MGST1: variants seen among roughly 807,000 people sequenced by gnomAD.
MGST1 encodes glutathione S-transferase 12.
In MGST1, 5 loss-of-function variants were observed where a neutral mutation model predicts 8.9. The ratio of observed to expected loss-of-function variants is 0.56; its 90% CI spans 0.29 to 1.19. The LOEUF (loss-of-function observed/expected upper bound fraction) is 1.19. Among genes scored for constraint, MGST1 ranks in the 50% most tolerant of loss-of-function variants. The pLI is 0.08. For missense variants in MGST1, 182 were observed against 187.4 expected, an observed-to-expected ratio of 0.97 and a Z score of 0.17; for synonymous variants, 54 against 67.8, an observed-to-expected ratio of 0.80 and a Z score of 1.00.
chr12:16,553,130 A>G (rs1240941698), intron 4 of MGST1, among the ~76,000 whole-genome samples: 2 of 152,172 alleles, frequency 1.3e-5, no homozygotes, highest in Admixed American at 6.5e-5. Flanking sequence ...ATGTATGTAC[A>G]TGATCACATT....
In MGST1 at chr12:16,363,992, T is replaced by C; in HGVS notation, c.419T>C (p.Val140Ala). 1 of 1,613,704 alleles carries C rather than the reference T, an allele frequency of 6.2e-7. No homozygotes were observed. Among genetic ancestry groups the C allele is most frequent in the South Asian group, 1.1e-5 (1 of 91,040 alleles). ...RALSFFVGYG[V>A]TLSMAYRLLK... is the part of the protein sequence containing the mutation. ...TTGAGTTTTTTTGTTGGATATGGAG[T>C]TACTCTTTCCATGGCTTACAGGTTG... The change falls in exon 4 of 4, where the codon GTT (valine) becomes GCT (alanine). Residue 140 changes from valine (V) to alanine (A), a missense_variant. Transcript: ENST00000396210. This position sits in a 1 kb window ranked among gnomAD's most constrained non-coding sequence, Gnocchi z 4.6.
At chr12:16,571,573 A>AT (rs1357407649) in intron 4 of MGST1, among the ~76,000 whole-genome samples, 1 of 152,000 alleles carries the variant, frequency 6.6e-6, no homozygotes, top group Non-Finnish European at 1.5e-5. Context: ...CTATATACTC[A>AT]TGTTATCTTT....
chr12:16,560,594 C>T lies in MGST1; in HGVS notation n.483-28934C>T, dbSNP rs568698857. The T allele has an allele frequency of 1.4e-5, 21 of 1,497,862 alleles. No individual in the cohort carries two copies. The highest frequency in any genetic ancestry group is 1.7e-4 in the Middle Eastern group (1 of 5,744). The allele number at this position is 1,497,862 out of a possible 1,614,324, so 92.8% of individuals were successfully genotyped here. A position where few individuals can be genotyped will look rare whatever the true frequency, so the allele number is the denominator to read the frequency against. Reference sequence around the variant, plus strand: ...AAACTCTTACAGAGAAATCTGAGATCGTGAAGAGAGATGATGTTAATATAC... The same window carrying T: ...AAACTCTTACAGAGAAATCTGAGATTGTGAAGAGAGATGATGTTAATATAC... On this transcript the variant is annotated intron_variant and non_coding_transcript_variant, in intron 4 of 4. Transcript: ENST00000538857. This position sits in a 1 kb window ranked among gnomAD's most constrained non-coding sequence, Gnocchi z 5.0.
intron 4 of MGST1, among the ~76,000 whole-genome samples, chr12:16,504,587 T>C (rs1052111643): frequency 3.3e-5 from 5 of 152,170 alleles, no homozygotes; most frequent in Admixed American, 3.3e-4. Context: ...CTAATATGTC[T>C]GATAAAGCTA....
At position 16,386,161 on chromosome 12, in the gene MGST1, A is replaced by G. The variant is rs796468830; in HGVS notation, n.778+2557A>G. Reference sequence around the variant, plus strand: ...ACTGGTCAATAAACCAGTCCAAAGTATCCAAGCAGTTTGTGGTTTGGAAAT... The same window carrying G: ...ACTGGTCAATAAACCAGTCCAAAGTGTCCAAGCAGTTTGTGGTTTGGAAAT... On this transcript the variant is annotated intron_variant and non_coding_transcript_variant, in intron 1 of 1. Transcript: ENST00000359720. 4.1e-4 allele frequency among the ~76,000 whole-genome samples: 63 copies of G among 152,330 alleles called. 1 individual carries two copies. The highest frequency in any genetic ancestry group is 1.4e-3 in the African/African-American group (58 of 41,594).
chr12:16,475,292 A>C (rs1941315588), intron 4 of MGST1, among the ~76,000 whole-genome samples: 1 of 152,228 alleles, frequency 6.6e-6, no homozygotes, highest in East Asian at 1.9e-4. Context: ...AAAGAGTAAG[A>C]GAATCAATTA....
At chr12:16,446,063 G>A (rs913111664) in intron 4 of MGST1, among the ~76,000 whole-genome samples, 3 of 151,886 alleles carry the variant, frequency 2.0e-5, no homozygotes, top group Non-Finnish European at 2.9e-5. Context: ...TGGTTTTGTG[G>A]ACCTAGTGGA....
At chr12:16,536,498 G>A (rs1717234996) in intron 4 of MGST1, among the ~76,000 whole-genome samples, 1 of 152,138 alleles carries the variant, frequency 6.6e-6, no homozygotes, top group Admixed American at 6.5e-5. Context: ...AGAAATGTTG[G>A]TAATTCTGGT....
chr12:16,402,456 T>G, intron 1 of MGST1: 1 of 1,589,750 alleles, frequency 6.3e-7, no homozygotes, highest in Non-Finnish European at 8.6e-7. Flanking sequence ...GTTCTGAGAA[T>G]CACGCGATGT....
chr12:16,380,160 T>A (rs555225907), downstream of MGST1, among the ~76,000 whole-genome samples: 1 of 152,188 alleles, frequency 6.6e-6, no homozygotes, highest in Non-Finnish European at 1.5e-5. Context: ...GCTCTGATCT[T>A]AGTTATTTCT....
chr12:16,511,206 A>G (rs572567563), intron 4 of MGST1, among the ~76,000 whole-genome samples: 4 of 152,242 alleles, frequency 2.6e-5, no homozygotes, highest in African/African-American at 7.2e-5. Flanking sequence ...ACACTTTTTT[A>G]TTCCTCCTGA....
chr12:16,364,861 C>T (rs1591705483), downstream of MGST1, among the ~76,000 whole-genome samples: 1 of 152,062 alleles, frequency 6.6e-6, no homozygotes. The surrounding 1 kb of genome is among the most constrained non-coding windows in gnomAD (Gnocchi z 5.7). Context: ...TGAGAGAGTT[C>T]TTTTGCTTTC....
chr12:16,455,100 G>A (rs578174609), intron 4 of MGST1, among the ~76,000 whole-genome samples: 3 of 151,968 alleles, frequency 2.0e-5, no homozygotes, highest in African/African-American at 7.2e-5. Flanking sequence ...GGAATTGACA[G>A]TGGAAAGCAT....
At chr12:16,357,459 G>T in intron 2 of MGST1, 146 bp from the exon 3 acceptor site, 1 of 603,476 alleles carries the variant, frequency 1.7e-6, no homozygotes, top group Non-Finnish European at 2.9e-6. Flanking sequence ...TGTAGATATG[G>T]GTACTCCCTA....
intron 4 of MGST1, among the ~76,000 whole-genome samples, chr12:16,553,451 G>GGT (rs760716987): frequency 3.9e-5 from 6 of 152,024 alleles, no homozygotes; most frequent in Non-Finnish European, 8.8e-5. Flanking sequence ...TCAATTAAGT[G>GGT]GTATATATAG....
chr12:16,533,122 T>A (rs929726214), intron 4 of MGST1, among the ~76,000 whole-genome samples: 9 of 152,176 alleles, frequency 5.9e-5, no homozygotes, highest in Non-Finnish European at 1.2e-4. Context: ...AAAGAGTCAG[T>A]CTGATTTTCT....
chr12:16,418,117 A>G (rs1453908484), intron 1 of MGST1, among the ~76,000 whole-genome samples: 1 of 152,252 alleles, frequency 6.6e-6, no homozygotes, highest in Middle Eastern at 3.4e-3. Flanking sequence ...GGAACTCACA[A>G]TTACTGAGTA....
At position 16,472,686 on chromosome 12, in the gene MGST1, C is replaced by A. The variant is rs199515337; in HGVS notation, n.482+89082C>A. 2.0e-5 allele frequency among the ~76,000 whole-genome samples: 3 copies of A among 152,098 alleles called. No homozygotes were observed. In the East Asian group the frequency reaches 5.8e-4, roughly 29 times the overall value. On this transcript the variant is annotated intron_variant and non_coding_transcript_variant, in intron 4 of 4. Coordinates refer to the MGST1 transcript ENST00000538857. ...TTTTTATGTATATTGAGCAATAATA[C>A]AATCATACATGGTCATGGATGACTA...
intron 2 of MGST1, among the ~76,000 whole-genome samples, chr12:16,355,789 T>C (rs1242336114): frequency 6.6e-6 from 1 of 152,192 alleles, no homozygotes; most frequent in Non-Finnish European, 1.5e-5. Flanking sequence ...GATTCATCTT[T>C]CCATTTTATA....
Sources: gnomAD v4.1 joint callset for allele counts (sites outside exome capture counted in the v4.1 genomes callset) on GRCh38, gnomAD v4.1.1 for gene constraint, Gnocchi (gnomAD v3.1) non-coding constraint, MANE v1.5 for transcripts, NCBI Gene and HGNC (gene_info 2026-07-23, HGNC 2026-07-21) for gene names.